Variants in LRRC34 observed in about 807,000 individuals in gnomAD.
The protein encoded by LRRC34 is leucine rich repeat containing 34, also known as leucine-rich repeat-containing protein 34.
A neutral mutation model predicts 48.5 loss-of-function variants in LRRC34; 44 were observed. The ratio of observed to expected loss-of-function variants is 0.91; its 90% confidence interval spans 0.71 to 1.17. The LOEUF (loss-of-function observed/expected upper bound fraction) is 1.17, where lower values mean the gene tolerates loss of function less well. Ranked by LOEUF, LRRC34 falls within the 50% of genes most tolerant of loss-of-function variation. The pLI, the probability that LRRC34 is intolerant of heterozygous loss-of-function variation, is 0.00. For missense variants in LRRC34, 502 were observed against 563.0 expected, an observed-to-expected ratio of 0.89 and a Z score of 1.10; for synonymous variants, 192 against 197.6, an observed-to-expected ratio of 0.97 and a Z score of 0.24.
chr3:169,807,931 A>G (rs1779439373), intron 2 of LRRC34: 2 of 505,558 alleles, frequency 4.0e-6, no homozygotes, highest in Non-Finnish European at 6.7e-6. Flanking sequence ...GATTCCATAT[A>G]TTTAGCTCTC....
rs751665358 is a variant in LRRC34 at position 169,796,887 on chromosome 3, C to T, written c.766G>A (p.Val256Ile). The change falls in exon 8 of 11, where the codon GTC becomes ATC. Residue 256 changes from valine to isoleucine, a missense_variant. Coordinates refer to ENST00000446859, the MANE Select transcript of LRRC34 (RefSeq NM_001172779.2). ...ILYSEQEEST[V>I]HVGRMLKENH... ...TCTTTCAACATGCGGCCTACATGGA[C>T]TGTAGACTCTTCCTAAAAGTGGATA... 3 of 1,566,548 alleles carry T rather than the reference C, an allele frequency of 1.9e-6. No homozygotes were observed. Among genetic ancestry groups the T allele is most frequent in the African/African-American group, 2.7e-5 (2 of 73,012 alleles).
chr3:169,804,181 T>G lies in LRRC34; in HGVS notation c.529A>C (p.Lys177Gln). 6.4e-7 allele frequency: 1 copy of G among 1,571,486 alleles called. No individual in the cohort carries two copies. Among genetic ancestry groups the G allele is most frequent in the Middle Eastern group, 1.8e-4 (1 of 5,522 alleles). Residue 177 changes from lysine to glutamine, a missense_variant and splice_region_variant, in exon 6 of 11, where the codon AAG becomes CAG. Transcript: ENST00000446859. ...GGELIAKVLH[K>Q]NRTLKYLRMT... Reference sequence around the variant, plus strand: ...CTTAGGTATTTCAGAGTCCGATTCTTCTGAAAAGGAAAAAAAACTTATTTA... The same window carrying G: ...CTTAGGTATTTCAGAGTCCGATTCTGCTGAAAAGGAAAAAAAACTTATTTA...
rs763732459 is a variant in LRRC34 at position 169,795,537 on chromosome 3, G to C, written c.1139C>G (p.Thr380Ser). ...ALSQSMKTNLTFSHIYIWGNK... is the reference protein window; with the variant it reads ...ALSQSMKTNLSFSHIYIWGNK... ...TCCCCAAATGTAGATATGAGAGAAAGTGAGATTTGTTTTCATTGATTGTGA... is the reference window on the plus strand; with the variant it reads ...TCCCCAAATGTAGATATGAGAGAAACTGAGATTTGTTTTCATTGATTGTGA... The change falls in exon 10 of 11, where the codon ACT becomes AGT. Residue 380 changes from threonine (T) to serine (S), a missense_variant. Transcript: ENST00000446859. 6.2e-7 allele frequency: 1 copy of C among 1,612,496 alleles called. No homozygotes were observed. Among genetic ancestry groups the C allele is most frequent in the African/African-American group, 1.3e-5 (1 of 74,892 alleles).
intron 7 of LRRC34, among the ~76,000 whole-genome samples, chr3:169,799,712 T>C (rs1453542615): frequency 6.6e-6 from 1 of 152,096 alleles, no homozygotes; most frequent in Non-Finnish European, 1.5e-5. Context: ...ATTGATTGAT[T>C]GATTGATTGA....
At chr3:169,796,461 G>T in intron 8 of LRRC34, 92 bp from the exon 9 acceptor site, 1 of 1,381,212 alleles carries the variant, frequency 7.2e-7, no homozygotes, top group Non-Finnish European at 9.8e-7. Context: ...AGTACTTTCT[G>T]TTTTAGTAAA....
Position 169,812,278 on chromosome 3 carries a change from TCCCAGGGGCC to T in LRRC34, c.139+122_139+131del. The T allele has an allele frequency of 8.2e-7, 1 of 1,226,556 alleles. No homozygotes were observed. The highest frequency in any genetic ancestry group is 1.1e-6 in the Non-Finnish European group (1 of 927,512). 76.0% of individuals were successfully genotyped at this position (1,226,556 alleles called of 1,614,324 possible). A position where few individuals can be genotyped will look rare whatever the true frequency, so the allele number is the denominator to read the frequency against. On this transcript the variant is annotated intron_variant, in intron 1 of 10. Transcript: ENST00000446859. The surrounding 1 kb of genome is among the most constrained non-coding windows in gnomAD (Gnocchi z 4.3). ...CCAAACCTCTGGCCACAGCTGGGGT[TCCCAGGGGCC>T]CCCCTCCCGCCTCGACGCCTTGGGC... is the stretch of plus-strand genomic sequence containing the variant.
chr3:169,811,038 C>G (rs980869716), intron 1 of LRRC34, among the ~76,000 whole-genome samples: 2 of 152,206 alleles, frequency 1.3e-5, no homozygotes, highest in Non-Finnish European at 2.9e-5. Flanking sequence ...CGCCACTGCA[C>G]TCCAGCCTGG....
Position 169,793,853 on chromosome 3 carries a change from A to G in LRRC34, c.1192-15T>C, listed in dbSNP as rs1378499532. The G allele has an allele frequency of 1.3e-6, 2 of 1,562,902 alleles. No individual in the cohort carries two copies. The highest frequency in any genetic ancestry group is 2.7e-5 in the African/African-American group (2 of 73,128). On this transcript the variant is annotated splice_polypyrimidine_tract_variant and intron_variant, in intron 10 of 10. Transcript: ENST00000446859. The stretch of plus-strand genomic sequence containing the variant: ...TCTGAATATGCCTAGGATTTTTAGG[A>G]AAAAAACTATATCATTAAGAAAAAA...
At chr3:169,798,025 A>ATACACCCAAAGGAATGC (rs1422007814) in intron 7 of LRRC34, among the ~76,000 whole-genome samples, 4 of 152,236 alleles carry the variant, frequency 2.6e-5, no homozygotes, top group Non-Finnish European at 5.9e-5. Flanking sequence ...CACTGAAAAG[A>ATACACCCAAAGGAATGC]TACACCCAAA....
intron 1 of LRRC34, among the ~76,000 whole-genome samples, chr3:169,810,511 T>TA (rs150224509): frequency 0.018 from 2,784 of 152,238 alleles, 80 homozygotes; most frequent in African/African-American, 0.062. Flanking sequence ...ATGTACGTAT[T>TA]AAAAAAAGCT....
rs201395437 is a variant in LRRC34 at position 169,796,844 on chromosome 3, G to A, written c.809C>T (p.Ala270Val). The change falls in exon 8 of 11, where the codon GCA (alanine) becomes GTA (valine). Residue 270 changes from alanine to valine, a missense_variant. Ala to Val is a moderately conservative substitution (Grantham distance 64). Transcript: ENST00000446859. ...RMLKENHCLVALHMCKHDIKN... is the reference protein window; with the variant it reads ...RMLKENHCLVVLHMCKHDIKN... ...TATATCATGCTTACACATGTGTAGT[G>A]CAACAAGACAGTGATTTTCTTTCAA... 61 of 1,608,422 alleles carry A rather than the reference G, an allele frequency of 3.8e-5. No homozygotes were observed. Among genetic ancestry groups the A allele is most frequent in the Middle Eastern group, 3.3e-4 (2 of 6,068 alleles).
intron 9 of LRRC34, chr3:169,795,951 T>C: frequency 8.4e-7 from 1 of 1,193,322 alleles, no homozygotes; most frequent in Non-Finnish European, 1.0e-6. Flanking sequence ...GCTTCTGAGT[T>C]TTCTATTAGA....
In LRRC34 at chr3:169,800,701, A is replaced by C; in HGVS notation, c.711T>G (p.Ile237Met). 6.5e-7 allele frequency: 1 copy of C among 1,535,278 alleles called. No individual in the cohort carries two copies. Among genetic ancestry groups the C allele is most frequent in the South Asian group, 1.2e-5 (1 of 84,002 alleles). Residue 237 changes from isoleucine (I) to methionine (M), a missense_variant, in exon 7 of 11, where the codon ATT becomes ATG. Transcript: ENST00000446859. Reference sequence around the variant, plus strand: ...TAGGTCGGTTTAGGTTTATTGCCTTAATTGCTTGGTTTTGAGTTAGTACTG... The same window carrying C: ...TAGGTCGGTTTAGGTTTATTGCCTTCATTGCTTGGTTTTGAGTTAGTACTG... The part of the protein sequence containing the change: ...FATVLTQNQA[I>M]KAINLNRPIL...
At chr3:169,796,937 T>C in intron 7 of LRRC34, 38 bp from the exon 8 acceptor site, 1 of 1,443,640 alleles carries the variant, frequency 6.9e-7, no homozygotes, top group South Asian at 1.5e-5. Flanking sequence ...AAATATAATT[T>C]TGAAGTAGTA....
At chr3:169,797,291 C>T (rs1779029240) in intron 7 of LRRC34, among the ~76,000 whole-genome samples, 1 of 152,118 alleles carries the variant, frequency 6.6e-6, no homozygotes, top group African/African-American at 2.4e-5. Context: ...TGTTCCTGAA[C>T]TTTGCTCTTG....
At chr3:169,807,351 G>T in intron 4 of LRRC34, 75 bp downstream of exon 4, 1 of 1,362,004 alleles carries the variant, frequency 7.3e-7, no homozygotes, top group Non-Finnish European at 1.0e-6. Flanking sequence ...TAAAACTAGT[G>T]TTTTATGTGT....
chr3:169,801,360 G>C (rs1055346663), intron 6 of LRRC34, among the ~76,000 whole-genome samples: 2 of 152,054 alleles, frequency 1.3e-5, no homozygotes, highest in Admixed American at 1.3e-4. Context: ...TCCAAAAGAT[G>C]TCTCAAATTA....
intron 2 of LRRC34, 128 bp from the exon 3 acceptor site, chr3:169,807,837 T>C: frequency 9.0e-7 from 1 of 1,109,602 alleles, no homozygotes; most frequent in Non-Finnish European, 1.2e-6. Context: ...GAAGCAAGCA[T>C]ATAATAAGTA....
chr3:169,795,392 G>T, intron 10 of LRRC34, 93 bp downstream of exon 10: 2 of 1,344,112 alleles, frequency 1.5e-6, no homozygotes, highest in Non-Finnish European at 2.0e-6. Context: ...GTCTCACTGT[G>T]TAACCATTTC....
Sources: gnomAD v4.1 joint callset for allele counts (sites outside exome capture counted in the v4.1 genomes callset) on GRCh38, gnomAD v4.1.1 for gene constraint, Gnocchi (gnomAD v3.1) non-coding constraint, MANE v1.5 for transcripts, NCBI Gene and HGNC (gene_info 2026-07-23, HGNC 2026-07-21) for gene names.